PTK2: variants seen among roughly 807,000 people sequenced by gnomAD.
PTK2 encodes focal adhesion kinase 1.
In PTK2, 45 loss-of-function variants were observed where a neutral mutation model predicts 150.1. The observed-to-expected ratio is 0.30, with a 90% CI of 0.24 to 0.38. PTK2 has a LOEUF of 0.38. Among genes scored for constraint, PTK2 ranks in the 10% least tolerant of loss-of-function variants. The pLI is 1.00. For synonymous variants in PTK2, 432 were observed against 449.2 expected, an observed-to-expected ratio of 0.96 and a Z score of 0.48; for missense variants, 919 against 1,307.3, an observed-to-expected ratio of 0.70 and a Z score of 4.58.
At chr8:140,755,178 G>A (rs199742795) in intron 16 of PTK2, among the ~76,000 whole-genome samples, 4 of 152,094 alleles carry the variant, frequency 2.6e-5, no homozygotes, top group Admixed American at 6.6e-5. Context: ...TTAAGGCTGC[G>A]AATAATAATG....
intron 1 of PTK2, among the ~76,000 whole-genome samples, chr8:140,966,382 C>G (rs2100185313): frequency 6.6e-6 from 1 of 152,172 alleles, no homozygotes; most frequent in Admixed American, 6.5e-5. Context: ...AGAATTTAAG[C>G]AAGTTACAAG....
rs751559797 is a variant in PTK2, at chr8:140,861,491, G to T, written c.450+2821C>A. 3.3e-5 allele frequency among the ~76,000 whole-genome samples: 5 copies of T among 152,206 alleles called. No homozygotes were observed. The South Asian group carries it at 8.3e-4, about 25-fold the overall frequency. On this transcript the variant is annotated intron_variant, in intron 5 of 31. Transcript: ENST00000522684. ...GGTGGAGGAGCTGAAAGGCTCTACA[G>T]AGTGCACATAGGAAGGAAAAGGCAA...
chr8:140,790,364 T>C (rs1334240208), intron 13 of PTK2, among the ~76,000 whole-genome samples: 1 of 152,246 alleles, frequency 6.6e-6, no homozygotes, highest in South Asian at 2.1e-4. Flanking sequence ...ATGAGGAATC[T>C]AGGGGATAGG....
intron 1 of PTK2, among the ~76,000 whole-genome samples, chr8:140,929,133 T>C (rs2100170803): frequency 6.7e-6 from 1 of 149,756 alleles, no homozygotes; most frequent in African/African-American, 2.5e-5. Flanking sequence ...GCCCGGCTAA[T>C]TTTTTGTATT....
chr8:140,896,628 CAA>C (rs915020349), intron 2 of PTK2, among the ~76,000 whole-genome samples: 2 of 152,146 alleles, frequency 1.3e-5, no homozygotes, highest in Non-Finnish European at 2.9e-5. Context: ...ATATATCTGA[CAA>C]AGAGTATCTA....
chr8:140,668,336 T>G, exon 30 of PTK2: 1 of 1,614,124 alleles, frequency 6.2e-7, no homozygotes, highest in Non-Finnish European at 8.5e-7. Context: ...GATGACAGCT[T>G]TCACCAGGCC....
At chr8:140,752,803 A>G (rs2100063546) in intron 16 of PTK2, among the ~76,000 whole-genome samples, 1 of 152,252 alleles carries the variant, frequency 6.6e-6, no homozygotes, top group South Asian at 2.1e-4. Context: ...AGATGAGACA[A>G]GAGCAAAAAA....
At chr8:140,953,742 G>A (rs2100180280) in intron 1 of PTK2, among the ~76,000 whole-genome samples, 1 of 152,150 alleles carries the variant, frequency 6.6e-6, no homozygotes, top group African/African-American at 2.4e-5. Context: ...GCACAACACT[G>A]TGAAGCCAGA....
At chr8:140,945,752 T>G (rs80315324) in intron 1 of PTK2, among the ~76,000 whole-genome samples, 1 of 152,118 alleles carries the variant, frequency 6.6e-6, no homozygotes, top group African/African-American at 2.4e-5. Context: ...AATATACATA[T>G]AATCTAAGAA....
At chr8:140,980,508 G>A (rs1298985651) in intron 1 of PTK2, among the ~76,000 whole-genome samples, 1 of 151,988 alleles carries the variant, frequency 6.6e-6, no homozygotes, top group Non-Finnish European at 1.5e-5. Flanking sequence ...TGTAGTCCCA[G>A]CTACTCAGGA....
At chr8:140,879,481 C>T (rs71514694) in exon 4 of PTK2, 1 of 1,611,220 alleles carries the variant, frequency 6.2e-7, no homozygotes, top group Non-Finnish European at 8.5e-7. Context: ...TTCCACTCCT[C>T]TGGTGGGTGA....
intron 3 of PTK2, among the ~76,000 whole-genome samples, chr8:140,882,067 C>T (rs1165535267): frequency 6.6e-6 from 1 of 152,200 alleles, no homozygotes; most frequent in Non-Finnish European, 1.5e-5. Context: ...CCTTCTGTTT[C>T]ATTTTTTGCT....
intron 1 of PTK2, among the ~76,000 whole-genome samples, chr8:140,979,725 G>A (rs918170089): frequency 1.3e-5 from 2 of 152,122 alleles, no homozygotes; most frequent in Non-Finnish European, 2.9e-5. Flanking sequence ...GCTCTTTCCC[G>A]TGATGTTCTC....
intron 1 of PTK2, among the ~76,000 whole-genome samples, chr8:140,992,465 G>A (rs528265093): frequency 2.0e-5 from 3 of 152,148 alleles, no homozygotes; most frequent in African/African-American, 4.8e-5. Context: ...GCAAGACTCC[G>A]TCTCAAAAAC....
intron 30 of PTK2, among the ~76,000 whole-genome samples, chr8:140,667,206 T>C (rs1202593238): frequency 2.0e-5 from 3 of 152,156 alleles, no homozygotes; most frequent in Non-Finnish European, 2.9e-5. Flanking sequence ...TGGCACAACA[T>C]TGTGAATGTA....
intron 10 of PTK2, among the ~76,000 whole-genome samples, chr8:140,810,320 C>T (rs2154601031): frequency 6.6e-6 from 1 of 152,288 alleles, no homozygotes; most frequent in Non-Finnish European, 1.5e-5. Context: ...AGACTTTAGC[C>T]CTAGGGGAAC....
At chr8:140,956,333 C>T (rs780647690) in intron 1 of PTK2, among the ~76,000 whole-genome samples, 32 of 151,272 alleles carry the variant, frequency 2.1e-4, no homozygotes, top group Non-Finnish European at 4.6e-4. Flanking sequence ...GGTGGGGAAG[C>T]GGGGAAGGAA....
Position 140,830,527 on chromosome 8 carries a change from C to A in PTK2, c.594-1G>T. Reference sequence around the variant, plus strand: ...AAATCGCTTTAAACCAACATCTTTTCTGAAATATAAAAAGAAGCGTATTAA... The same window carrying A: ...AAATCGCTTTAAACCAACATCTTTTATGAAATATAAAAAGAAGCGTATTAA... On this transcript the variant is annotated splice_acceptor_variant, in intron 7 of 31. Transcript: ENST00000522684. LOFTEE classifies it high-confidence loss of function. 1 of 1,510,148 alleles carries A rather than the reference C, an allele frequency of 6.6e-7. No individual in the cohort carries two copies. The highest frequency in any genetic ancestry group is 9.0e-7 in the Non-Finnish European group (1 of 1,111,470). The allele number at this position is 1,510,148 out of a possible 1,614,324, so 93.5% of individuals were successfully genotyped here.
At chr8:140,781,003 G>A (rs563003685) in intron 14 of PTK2, among the ~76,000 whole-genome samples, 1 of 152,224 alleles carries the variant, frequency 6.6e-6, no homozygotes, top group East Asian at 1.9e-4. Flanking sequence ...AGCATAGTAG[G>A]TACTTAATAT....
Sources: gnomAD v4.1 joint callset for allele counts (sites outside exome capture counted in the v4.1 genomes callset) on GRCh38, gnomAD v4.1.1 for gene constraint, MANE v1.5 for transcripts, NCBI Gene and HGNC (gene_info 2026-07-23, HGNC 2026-07-21) for gene names.